The following UBA1 variants were observed in gnomAD, a reference collection of about 807,000 sequenced individuals.
The protein encoded by UBA1 is ubiquitin-like modifier-activating enzyme 1.
Under a neutral mutation model 84.7 loss-of-function variants are expected in UBA1, and 4 were observed. The observed-to-expected ratio is 0.05, with a 90% CI of 0.02 to 0.11. The LOEUF (loss-of-function observed/expected upper bound fraction) is 0.11, where lower values mean the gene tolerates loss of function less well. Among genes scored for constraint, UBA1 ranks in the 10% least tolerant of loss-of-function variants. UBA1 has a pLI of 1.00. For missense variants in UBA1, 513 were observed against 902.8 expected (o/e 0.57, Z 5.53); for synonymous variants, 364 against 362.6 (o/e 1.00, Z -0.04).
chrX:47,214,462 C>T, intron 24 of UBA1, 34 bp downstream of exon 24: 1 of 1,202,890 alleles, frequency 8.3e-7, no homozygotes, highest in Non-Finnish European at 1.1e-6. Context: ...CACCCCACCT[C>T]AGGGGGCGAG....
At chrX:47,210,629 C>T (rs956802983) in intron 18 of UBA1, among the ~76,000 whole-genome samples, 1 of 111,707 alleles carries the variant, frequency 9.0e-6, no homozygotes, top group Admixed American at 9.4e-5. Flanking sequence ...AAAATGGCTA[C>T]CCAGTGATTG....
intron 1 of UBA1, chrX:47,198,242 G>A (rs1556786145): frequency 2.0e-6 from 2 of 979,788 alleles, no homozygotes; most frequent in South Asian, 2.0e-5. Flanking sequence ...CCCCGCTCCC[G>A]CCGCCATCCC....
At position 47,203,713 on chromosome X, in the gene UBA1, G is replaced by T; in HGVS notation, c.1575+17G>T. The T allele has an allele frequency of 8.4e-7, 1 of 1,195,319 alleles. No homozygotes were observed. The highest frequency in any genetic ancestry group is 1.8e-5 in the South Asian group (1 of 55,246). On this transcript the variant is annotated intron_variant, in intron 14 of 25. Transcript: ENST00000335972. ...GATGTCACGGTGAGTAGGGTAGGAG[G>T]TTGGGGCTTTGTCGTCTCACTTTCC...
chrX:47,197,982 A>G, intron 1 of UBA1: 5 of 867,774 alleles, frequency 5.8e-6, no homozygotes, highest in Non-Finnish European at 7.1e-6. Flanking sequence ...TGATCAATCT[A>G]ATACTCATTT....
intron 16 of UBA1, 63 bp from the exon 17 acceptor site, chrX:47,209,560 A>G: frequency 9.5e-7 from 1 of 1,051,003 alleles, no homozygotes; most frequent in Non-Finnish European, 1.3e-6. Flanking sequence ...TCCTTCTAAT[A>G]ATGCCTGCGG....
rs200629777 is a variant in UBA1 at position 47,214,417 on chromosome X, G to A, written c.2929G>A (p.Asp977Asn). 2.9e-5 allele frequency: 35 copies of A among 1,208,399 alleles called. No individual in the cohort carries two copies. Among genetic ancestry groups the A allele is most frequent in the Middle Eastern group, 2.3e-4 (1 of 4,371 alleles). ...GEEMTLKQFLDYFKTEHKLEI... is the reference protein window; with the variant it reads ...GEEMTLKQFLNYFKTEHKLEI... Reference sequence around the variant, plus strand: ...GGAGATGACCCTCAAACAGTTCCTCGACTATTTTAAGGTAAGGCCCCTCCC... The same window carrying A: ...GGAGATGACCCTCAAACAGTTCCTCAACTATTTTAAGGTAAGGCCCCTCCC... The change falls in exon 24 of 26, where the codon GAC becomes AAC. Residue 977 changes from aspartate (D) to asparagine (N), a missense_variant. This residue lies in a region of UBA1 where 151 missense variants were observed against 260.1 expected (regional missense o/e 0.58). Transcript: ENST00000335972.
chrX:47,199,077 C>T lies in UBA1; in HGVS notation c.147C>T (p.Asp49=), dbSNP rs1556786556. 5 of 1,211,311 alleles carry T rather than the reference C, an allele frequency of 4.1e-6. No individual in the cohort carries two copies. The highest frequency in any genetic ancestry group is 5.6e-6 in the Non-Finnish European group (5 of 895,480). Reference sequence around the variant, plus strand: ...TGGCCAAGAACGGCAGTGAAGCAGACATAGACGAGGGCCTTTACTCCCGGC... The same window carrying T: ...TGGCCAAGAACGGCAGTGAAGCAGATATAGACGAGGGCCTTTACTCCCGGC... ...NGMAKNGSEA[D]IDEGLYSRQL... is the part of the protein sequence containing the mutation. Residue 49 remains aspartate, a synonymous_variant, in exon 3 of 26, where the codon GAC becomes GAT. Transcript: ENST00000335972.
At chrX:47,207,513 C>T (rs1482026316) in intron 16 of UBA1, among the ~76,000 whole-genome samples, 1 of 112,224 alleles carries the variant, frequency 8.9e-6, no homozygotes, top group East Asian at 2.8e-4. Flanking sequence ...CAAGCTTGAT[C>T]TAGCTGAAGT....
chrX:47,210,740 A>G (rs1936882106), intron 18 of UBA1, 102 bp from the exon 19 acceptor site: 1 of 871,244 alleles, frequency 1.1e-6, no homozygotes, highest in Non-Finnish European at 1.7e-6. Context: ...CCAACCCAAG[A>G]TAGTGAATTG....
rs2147287757 is a variant in UBA1, at chrX:47,210,080, C to T, written c.2156C>T (p.Ser719Leu). ...WACHHWHTQY[S>L]NNIRQLLHNF... ...TGCCACCACTGGCACACCCAGTACT[C>T]GAACAACATCCGGCAGCTGCTGCAC... Residue 719 changes from serine to leucine, a missense_variant, in exon 18 of 26, where the codon TCG becomes TTG. This residue lies in a region of UBA1 where 40 missense variants were observed against 138.3 expected (regional missense o/e 0.29). Transcript: ENST00000335972. The T allele has an allele frequency of 1.7e-6, 2 of 1,211,936 alleles. No individual in the cohort carries two copies. Among genetic ancestry groups the T allele is most frequent in the East Asian group, 3.0e-5 (1 of 33,851 alleles).
intron 21 of UBA1, 109 bp from the exon 22 acceptor site, chrX:47,212,662 C>T: frequency 6.9e-6 from 6 of 874,380 alleles, no homozygotes; most frequent in Non-Finnish European, 1.0e-5. Flanking sequence ...TGTTCCCAGC[C>T]ATCCCTTTGT....
intron 16 of UBA1, among the ~76,000 whole-genome samples, chrX:47,208,297 GTC>G (rs1451475607): frequency 2.1e-4 from 23 of 107,329 alleles, no homozygotes; most frequent in African/African-American, 7.7e-4. Context: ...GTGTGTAAGT[GTC>G]TGTGTGTACG....
intron 5 of UBA1, among the ~76,000 whole-genome samples, chrX:47,200,591 T>G (rs1018296404): frequency 4.5e-5 from 5 of 111,746 alleles, no homozygotes; most frequent in African/African-American, 1.6e-4. Flanking sequence ...AGACAGAGTT[T>G]TACTCCAGTG....
rs367788670 is a variant in UBA1, at chrX:47,212,874, T to A, written c.2646+11T>A. Reference sequence around the variant, plus strand: ...GCAGACCGGCACAAGGTGAGGGGAATCTAAATCTGATGTTCCACCCTCCTC... The same window carrying A: ...GCAGACCGGCACAAGGTGAGGGGAAACTAAATCTGATGTTCCACCCTCCTC... On this transcript the variant is annotated intron_variant, in intron 22 of 25. Coordinates refer to ENST00000335972, the MANE Select transcript of UBA1 (RefSeq NM_003334.4). 61 of 1,208,320 alleles carry A rather than the reference T, an allele frequency of 5.0e-5. No individual in the cohort carries two copies. The African/African-American group carries it at 7.7e-4, about 15-fold the overall frequency.
Position 47,206,235 on chromosome X carries a change from G to A in UBA1, c.1742-13G>A, listed in dbSNP as rs374759164. ...ATGTTTCTTTCCTAGCTCTCGCTTT[G>A]TGCTCCCCACAGGCATGTACATGGA... On this transcript the variant is annotated splice_polypyrimidine_tract_variant and intron_variant, in intron 15 of 25. Coordinates refer to ENST00000335972, the MANE Select transcript of UBA1 (RefSeq NM_003334.4). 7 of 1,197,357 alleles carry A rather than the reference G, an allele frequency of 5.8e-6. No homozygotes were observed. Among genetic ancestry groups the A allele is most frequent in the Non-Finnish European group, 7.9e-6 (7 of 888,452 alleles).
At position 47,201,522 on chromosome X, in the gene UBA1, G is replaced by T. The variant is rs782161549; in HGVS notation, c.723G>T (p.Gly241=). Residue 241 remains glycine (G), a synonymous_variant, in exon 8 of 26, where the codon GGG becomes GGT. Transcript: ENST00000335972. ...VVTCLDEARH[G]FESGDFVSFS... is the part of the protein sequence containing the mutation. ...CCTGCCTGGATGAGGCCCGACACGG[G>T]TTTGAGAGCGGGGACTTTGTCTCCT... The T allele has an allele frequency of 8.3e-7, 1 of 1,212,012 alleles. No individual in the cohort carries two copies. The highest frequency in any genetic ancestry group is 1.8e-5 in the South Asian group (1 of 57,009).
At chrX:47,198,205 G>A (rs1556786106) in intron 1 of UBA1, 1 of 980,008 alleles carries the variant, frequency 1.0e-6, no homozygotes, top group Non-Finnish European at 1.3e-6. Context: ...CCTGATGGAT[G>A]TCCAAGCCTC....
chrX:47,200,081 G>A (rs974616420), intron 5 of UBA1, among the ~76,000 whole-genome samples: 4 of 111,119 alleles, frequency 3.6e-5, no homozygotes, highest in Non-Finnish European at 7.6e-5. Context: ...CACCGCACCC[G>A]GCCTGGCCCC....
At chrX:47,206,937 G>A (rs1936700819) in intron 16 of UBA1, among the ~76,000 whole-genome samples, 1 of 109,787 alleles carries the variant, frequency 9.1e-6, no homozygotes, top group South Asian at 3.9e-4. Context: ...GATGCCCTGT[G>A]CACTGTAGGA....
Sources: gnomAD v4.1 joint callset for allele counts (sites outside exome capture counted in the v4.1 genomes callset) on GRCh38, gnomAD v4.1.1 for gene constraint, gnomAD v4.1.1 regional missense constraint, MANE v1.5 for transcripts, NCBI Gene and HGNC (gene_info 2026-07-23, HGNC 2026-07-21) for gene names.